FSTL5: variants seen among roughly 807,000 people sequenced by gnomAD.
FSTL5 encodes follistatin like 5, also known as follistatin-related protein 5.
In FSTL5, 62 loss-of-function variants were observed where a neutral mutation model predicts 89.1. The ratio of observed to expected loss-of-function variants is 0.70; its 90% CI spans 0.57 to 0.86. The LOEUF (loss-of-function observed/expected upper bound fraction) is 0.86, where lower values mean the gene tolerates loss of function less well. Among genes scored for constraint, FSTL5 ranks in the 40% least tolerant of loss-of-function variants. The pLI is 0.00. For synonymous variants in FSTL5, 383 were observed against 346.2 expected, an observed-to-expected ratio of 1.11 and a Z score of -1.18; for missense variants, 1,057 against 1,001.6, an observed-to-expected ratio of 1.06 and a Z score of -0.75.
chr4:161,452,810 C>T (rs1733217892), intron 15 of FSTL5, among the ~76,000 whole-genome samples: 1 of 151,906 alleles, frequency 6.6e-6, no homozygotes, highest in African/African-American at 2.4e-5. Flanking sequence ...GACAAAATAC[C>T]CATGCATTTC....
At position 161,979,528 on chromosome 4, in the gene FSTL5, GTC is replaced by G. The variant is rs141491973; in HGVS notation, c.160+54095_160+54096del. Among the ~76,000 whole-genome samples, 1,038 of 149,984 alleles carry G rather than the reference GTC, an allele frequency of 6.9e-3. 11 individuals carry two copies. The highest frequency in any genetic ancestry group is 0.024 in the African/African-American group (968 of 41,084). On this transcript the variant is annotated intron_variant, in intron 3 of 15. Transcript: ENST00000306100. ...AAATCTTCCTCCCCCTTTCCTTTCTGTCTCTCTCTCTCTCTGTCTTCTCTCCC... is the reference window on the plus strand; with the variant it reads ...AAATCTTCCTCCCCCTTTCCTTTCTGTCTCTCTCTCTCTGTCTTCTCTCCC...
intron 8 of FSTL5, among the ~76,000 whole-genome samples, chr4:161,583,746 C>A (rs1733512792): frequency 1.3e-5 from 2 of 152,132 alleles, no homozygotes; most frequent in South Asian, 4.1e-4. Flanking sequence ...ATAGACTTGA[C>A]CTAACTAGAA....
chr4:161,550,137 T>C (rs1246519005), intron 8 of FSTL5, among the ~76,000 whole-genome samples: 1 of 151,914 alleles, frequency 6.6e-6, no homozygotes, highest in Non-Finnish European at 1.5e-5. Flanking sequence ...TAACCCTTAG[T>C]GTCCATAGTT....
chr4:162,047,814 A>T (rs2111248417), intron 2 of FSTL5, among the ~76,000 whole-genome samples: 1 of 152,088 alleles, frequency 6.6e-6, no homozygotes, highest in South Asian at 2.1e-4. Flanking sequence ...AACAAGAGAG[A>T]AACTCCATCT....
intron 2 of FSTL5, among the ~76,000 whole-genome samples, chr4:162,053,279 A>G (rs1329901125): frequency 6.6e-6 from 1 of 151,834 alleles, no homozygotes; most frequent in African/African-American, 2.4e-5. Flanking sequence ...ATCTGTAACC[A>G]CAGTATGTCC....
At chr4:161,663,831 G>A (rs906565093) in intron 6 of FSTL5, among the ~76,000 whole-genome samples, 1 of 152,194 alleles carries the variant, frequency 6.6e-6, no homozygotes, top group Non-Finnish European at 1.5e-5. Context: ...GCAAACTTAT[G>A]CCTGGGCATC....
chr4:161,450,463 TCTC>T (rs1308281515), intron 15 of FSTL5, among the ~76,000 whole-genome samples: 1 of 152,148 alleles, frequency 6.6e-6, no homozygotes, highest in Non-Finnish European at 1.5e-5. Flanking sequence ...TTTCACCAAA[TCTC>T]CTATGCATTA....
intron 5 of FSTL5, among the ~76,000 whole-genome samples, chr4:161,775,400 G>T (rs533243663): frequency 6.6e-6 from 1 of 151,976 alleles, no homozygotes; most frequent in Admixed American, 6.6e-5. Flanking sequence ...TGCAGTAATT[G>T]GTCCTTAATT....
At chr4:161,478,646 T>C (rs572003629) in intron 13 of FSTL5, among the ~76,000 whole-genome samples, 2 of 152,262 alleles carry the variant, frequency 1.3e-5, no homozygotes, top group East Asian at 1.9e-4. Flanking sequence ...AATATTCATT[T>C]ATAGTATGAA....
chr4:161,983,091 A>G (rs1735870671), intron 3 of FSTL5, among the ~76,000 whole-genome samples: 1 of 152,216 alleles, frequency 6.6e-6, no homozygotes, highest in Non-Finnish European at 1.5e-5. Flanking sequence ...TACGCATTGC[A>G]CTGACAAACC....
Position 161,737,996 on chromosome 4 carries a change from T to C in FSTL5, c.727+21415A>G, listed in dbSNP as rs1739880561. On this transcript the variant is annotated intron_variant, in intron 6 of 15. Transcript: ENST00000306100. ...GAAGAAAGAATGAGCAGGATGATCA[T>C]ATAAATTAAGACTATGAATAAAAAT... is the stretch of plus-strand genomic sequence containing the variant. 2.6e-5 allele frequency among the ~76,000 whole-genome samples: 4 copies of C among 152,128 alleles called. 1 individual carries two copies. The highest frequency in any genetic ancestry group is 1.9e-4 in the East Asian group (1 of 5,204).
intron 6 of FSTL5, among the ~76,000 whole-genome samples, chr4:161,751,773 C>G (rs546097116): frequency 1.5e-5 from 2 of 135,924 alleles, no homozygotes; most frequent in South Asian, 4.7e-4. Context: ...AGAGGGAGAA[C>G]TTGTCTCAAA....
At chr4:161,390,841 T>C (rs186123664) in intron 15 of FSTL5, among the ~76,000 whole-genome samples, 4 of 152,132 alleles carry the variant, frequency 2.6e-5, no homozygotes, top group African/African-American at 9.7e-5. Flanking sequence ...GAACTTCTCA[T>C]CTCAACAGTT....
At chr4:161,551,539 G>A (rs190870882) in intron 8 of FSTL5, among the ~76,000 whole-genome samples, 109 of 151,960 alleles carry the variant, frequency 7.2e-4, no homozygotes, top group African/African-American at 2.6e-3. Flanking sequence ...TCAATCCTAA[G>A]CCAAAAGAAC....
intron 5 of FSTL5, among the ~76,000 whole-genome samples, chr4:161,764,050 T>G (rs1166328248): frequency 6.6e-6 from 1 of 152,154 alleles, no homozygotes. Context: ...GGTGAATTAA[T>G]AAGAATGTCA....
intron 7 of FSTL5, among the ~76,000 whole-genome samples, chr4:161,654,276 G>A (rs1736436990): frequency 6.6e-6 from 1 of 152,070 alleles, no homozygotes; most frequent in Non-Finnish European, 1.5e-5. Flanking sequence ...ATTTAAATGA[G>A]TTTACAATGA....
At chr4:161,703,344 C>T (rs1336165802) in intron 6 of FSTL5, among the ~76,000 whole-genome samples, 1 of 152,122 alleles carries the variant, frequency 6.6e-6, no homozygotes, top group Non-Finnish European at 1.5e-5. Flanking sequence ...CTTTAACTTA[C>T]ATGCTACGTA....
intron 6 of FSTL5, among the ~76,000 whole-genome samples, chr4:161,733,628 A>G (rs1426543421): frequency 6.6e-6 from 1 of 152,032 alleles, no homozygotes; most frequent in African/African-American, 2.4e-5. Context: ...ACTGATTGCT[A>G]AAGTCTTTCA....
At chr4:161,582,713 C>T (rs6840640) in intron 8 of FSTL5, among the ~76,000 whole-genome samples, 46,618 of 151,998 alleles carry the variant, frequency 0.31, 7,596 homozygotes, top group Non-Finnish European at 0.35. Flanking sequence ...AGAAACTTTG[C>T]AAATAAGGTG....
Sources: allele counts gnomAD v4.1 joint callset (sites outside exome capture counted in the v4.1 genomes callset), GRCh38; gene constraint gnomAD v4.1.1; transcripts MANE v1.5; gene names NCBI Gene and HGNC (gene_info 2026-07-23, HGNC 2026-07-21).